The following NKAIN3 variants were observed in gnomAD, a reference collection of about 807,000 sequenced individuals.
The protein encoded by NKAIN3 is sodium/potassium transporting ATPase interacting 3, also known as sodium/potassium-transporting ATPase subunit beta-1-interacting protein 3.
Under a neutral mutation model 30.2 loss-of-function variants are expected in NKAIN3, and 25 were observed. The ratio of observed to expected loss-of-function variants is 0.83; its 90% CI spans 0.60 to 1.16. NKAIN3 has a LOEUF of 1.16. Among genes scored for constraint, NKAIN3 ranks in the 50% most tolerant of loss-of-function variants. NKAIN3 has a pLI of 0.00. For missense variants in NKAIN3, 225 were observed against 254.1 expected (o/e 0.89, Z 0.78); for synonymous variants, 91 against 89.6 (o/e 1.02, Z -0.09).
chr8:62,292,278 A>C (rs1401444942), intron 1 of NKAIN3, among the ~76,000 whole-genome samples: 1 of 152,162 alleles, frequency 6.6e-6, no homozygotes, highest in East Asian at 1.9e-4. Context: ...TCCTGTCATT[A>C]TGATGTTAGC....
At chr8:62,307,621 C>G (rs929003309) in intron 1 of NKAIN3, among the ~76,000 whole-genome samples, 3 of 150,614 alleles carry the variant, frequency 2.0e-5, no homozygotes, top group African/African-American at 7.5e-5. Context: ...TTGTGCCTCT[C>G]TTGTGCACAA....
intron 1 of NKAIN3, among the ~76,000 whole-genome samples, chr8:62,458,729 T>C (rs557444363): frequency 1.6e-4 from 24 of 152,358 alleles, no homozygotes; most frequent in Admixed American, 1.4e-3. Flanking sequence ...AAACATTTAA[T>C]GAATGTCTGT....
chr8:62,306,266 A>T (rs1351558063), intron 1 of NKAIN3, among the ~76,000 whole-genome samples: 1 of 150,144 alleles, frequency 6.7e-6, no homozygotes, highest in Non-Finnish European at 1.5e-5. Flanking sequence ...ATTGCTTGTC[A>T]AGGAGTTCTT....
At chr8:62,823,841 C>T (rs533591584) in intron 4 of NKAIN3, among the ~76,000 whole-genome samples, 4 of 152,114 alleles carry the variant, frequency 2.6e-5, no homozygotes, top group Non-Finnish European at 1.5e-5. Context: ...CAACCTTATT[C>T]GCTATAGTAT....
At chr8:62,990,037 T>C (rs183080165) in intron 5 of NKAIN3, 8 of 551,044 alleles carry the variant, frequency 1.5e-5, no homozygotes, top group Non-Finnish European at 2.3e-5. Flanking sequence ...AATGAATGTT[T>C]AGACTTGATT....
At chr8:62,749,164 C>T (rs1816185439) in intron 4 of NKAIN3, among the ~76,000 whole-genome samples, 2 of 152,094 alleles carry the variant, frequency 1.3e-5, no homozygotes, top group African/African-American at 2.4e-5. Flanking sequence ...AATTGCTAAA[C>T]CATTTTGTGG....
downstream of NKAIN3, among the ~76,000 whole-genome samples, chr8:62,986,870 A>G (rs924207980): frequency 3.9e-5 from 6 of 152,214 alleles, no homozygotes; most frequent in Admixed American, 1.3e-4. Flanking sequence ...TCATCTTGGT[A>G]TATAAACTCA....
chr8:62,959,206 G>A (rs776716233), intron 6 of NKAIN3, among the ~76,000 whole-genome samples: 5 of 152,078 alleles, frequency 3.3e-5, no homozygotes, highest in Admixed American at 6.5e-5. Context: ...GCCCTGCAGC[G>A]AGCTCTGCAG....
At chr8:62,703,151 C>T (rs1331546111) in intron 3 of NKAIN3, among the ~76,000 whole-genome samples, 1 of 151,924 alleles carries the variant, frequency 6.6e-6, no homozygotes, top group Admixed American at 6.6e-5. Flanking sequence ...AATTTAATTA[C>T]CTGTACCCTG....
At chr8:62,393,737 A>G (rs933066682) in intron 1 of NKAIN3, among the ~76,000 whole-genome samples, 3 of 152,082 alleles carry the variant, frequency 2.0e-5, no homozygotes, top group African/African-American at 7.2e-5. Context: ...AAAAAAGTAT[A>G]TATTTCCATT....
intron 4 of NKAIN3, chr8:62,863,296 CT>C (rs200185258): frequency 0.071 from 109,929 of 1,551,418 alleles, 5,734 homozygotes; most frequent in East Asian, 0.27. Context: ...TGGAGCCGTA[CT>C]CACTGCAGAC....
intron 1 of NKAIN3, among the ~76,000 whole-genome samples, chr8:62,403,507 T>C (rs1349648540): frequency 6.6e-6 from 1 of 152,114 alleles, no homozygotes; most frequent in East Asian, 1.9e-4. Flanking sequence ...GCCCTTCATC[T>C]CAGCCACTCC....
intron 5 of NKAIN3, among the ~76,000 whole-genome samples, chr8:62,948,060 G>A (rs1388040363): frequency 2.0e-5 from 3 of 152,172 alleles, no homozygotes; most frequent in Admixed American, 1.3e-4. Flanking sequence ...GCCGCTTAGA[G>A]GTTAAATAAT....
At chr8:62,834,341 G>A (rs1033247972) in intron 4 of NKAIN3, among the ~76,000 whole-genome samples, 2 of 151,998 alleles carry the variant, frequency 1.3e-5, no homozygotes. Context: ...TCAGTCAAGA[G>A]AAATAAATAA....
chr8:62,849,101 C>T (rs1819781660), intron 4 of NKAIN3, among the ~76,000 whole-genome samples: 1 of 151,976 alleles, frequency 6.6e-6, no homozygotes, highest in South Asian at 2.1e-4. Context: ...GATGTTCATC[C>T]AGGATATGGC....
chr8:62,503,053 C>T (rs1176711178), intron 1 of NKAIN3, among the ~76,000 whole-genome samples: 1 of 152,176 alleles, frequency 6.6e-6, no homozygotes, highest in Non-Finnish European at 1.5e-5. Flanking sequence ...CTAGCATTAT[C>T]ACCTGGAGCT....
intron 3 of NKAIN3, among the ~76,000 whole-genome samples, chr8:62,638,627 T>C (rs1456685054): frequency 2.6e-5 from 4 of 152,134 alleles, no homozygotes; most frequent in Admixed American, 2.6e-4. Context: ...ATGCCAAAAA[T>C]GGCATCACTT....
At chr8:62,657,585 CA>C (rs1563503398) in intron 3 of NKAIN3, among the ~76,000 whole-genome samples, 2 of 152,140 alleles carry the variant, frequency 1.3e-5, no homozygotes, top group African/African-American at 4.8e-5. Context: ...ATTGCATTAT[CA>C]ATCTCTTAGT....
intron 3 of NKAIN3, among the ~76,000 whole-genome samples, chr8:62,663,731 C>G (rs973929489): frequency 6.6e-6 from 1 of 152,124 alleles, no homozygotes; most frequent in Non-Finnish European, 1.5e-5. Context: ...CTGCTTTTTT[C>G]CGATAGGCTC....
Sources: gnomAD v4.1 joint callset for allele counts (sites outside exome capture counted in the v4.1 genomes callset) on GRCh38, gnomAD v4.1.1 for gene constraint, MANE v1.5 for transcripts, NCBI Gene and HGNC (gene_info 2026-07-23, HGNC 2026-07-21) for gene names.